Variants in ASTN2 observed in about 807,000 individuals in gnomAD.
The protein encoded by ASTN2 is astrotactin-2.
Under a neutral mutation model 139.8 loss-of-function variants are expected in ASTN2, and 54 were observed. The ratio of observed to expected loss-of-function variants is 0.39; its 90% CI spans 0.31 to 0.48. The LOEUF (loss-of-function observed/expected upper bound fraction) is 0.48, where lower values mean the gene tolerates loss of function less well. Ranked by LOEUF, ASTN2 falls within the 20% of genes least tolerant of loss-of-function variation. The pLI is 0.95. For missense variants in ASTN2, 1,565 were observed against 1,725.1 expected, an observed-to-expected ratio of 0.91 and a Z score of 1.64; for synonymous variants, 756 against 719.5, an observed-to-expected ratio of 1.05 and a Z score of -0.81.
chr9:116,661,621 C>T (rs1458689703), intron 16 of ASTN2, among the ~76,000 whole-genome samples: 1 of 152,044 alleles, frequency 6.6e-6, no homozygotes, highest in African/African-American at 2.4e-5. Context: ...ATTGATGGAG[C>T]AGGATCTTAA....
chr9:116,980,285 A>G (rs1349320832), intron 7 of ASTN2, among the ~76,000 whole-genome samples: 1 of 152,144 alleles, frequency 6.6e-6, no homozygotes, highest in African/African-American at 2.4e-5. Context: ...TGAGGTGACA[A>G]TTAGCTGATG....
At chr9:116,522,000 AAAAC>A (rs1850896509) in intron 19 of ASTN2, among the ~76,000 whole-genome samples, 1 of 152,198 alleles carries the variant, frequency 6.6e-6, no homozygotes. Context: ...CATAATAAAA[AAAAC>A]AAAAAGTAAT....
At chr9:116,740,752 G>T (rs1467051994) in intron 13 of ASTN2, among the ~76,000 whole-genome samples, 1 of 151,838 alleles carries the variant, frequency 6.6e-6, no homozygotes, top group Middle Eastern at 3.4e-3. Context: ...CTGACCTCGG[G>T]ATCTGCCCGT....
intron 19 of ASTN2, among the ~76,000 whole-genome samples, chr9:116,519,925 A>G (rs568996142): frequency 4.6e-5 from 7 of 151,992 alleles, no homozygotes; most frequent in Non-Finnish European, 7.4e-5. Flanking sequence ...ATAAATTCCT[A>G]GAAATATACA....
At chr9:116,544,811 C>G (rs1852022840) in intron 19 of ASTN2, among the ~76,000 whole-genome samples, 1 of 152,126 alleles carries the variant, frequency 6.6e-6, no homozygotes. Flanking sequence ...AAAGATGAAG[C>G]TGAGAGAGAT....
intron 16 of ASTN2, among the ~76,000 whole-genome samples, chr9:116,680,245 C>G (rs1259531757): frequency 6.6e-6 from 1 of 152,174 alleles, no homozygotes; most frequent in Non-Finnish European, 1.5e-5. Flanking sequence ...ACTACAAACA[C>G]CTCTACGCAA....
Position 116,557,223 on chromosome 9 carries a change from C to CAA in ASTN2, c.3355+61099_3355+61100dup, listed in dbSNP as rs60756690. 3.2e-3 allele frequency among the ~76,000 whole-genome samples: 169 copies of CAA among 53,572 alleles called. 6 individuals are homozygous for CAA. Among genetic ancestry groups the CAA allele is most frequent in the Non-Finnish European group, 4.0e-3 (122 of 30,366 alleles). The allele number at this position is 53,572 out of a possible 152,430, so 35.1% of individuals were successfully genotyped here. On this transcript the variant is annotated intron_variant, in intron 19 of 22. Transcript: ENST00000313400. The stretch of plus-strand genomic sequence containing the variant: ...TGGGCAACAGAGCGAGACTCTGTCT[C>CAA]AAAAAAAAAAAAAAAAAAAAAAAAA...
chr9:117,326,231 C>G (rs1692824539), intron 1 of ASTN2, among the ~76,000 whole-genome samples: 1 of 152,004 alleles, frequency 6.6e-6, no homozygotes, highest in South Asian at 2.1e-4. Flanking sequence ...CAGATGTGGA[C>G]TGTGGGCAGC....
intron 1 of ASTN2, among the ~76,000 whole-genome samples, chr9:117,361,692 A>G (rs1300621800): frequency 6.6e-6 from 1 of 152,140 alleles, no homozygotes; most frequent in Admixed American, 6.5e-5. Flanking sequence ...GGGAAAATAT[A>G]TAGTCTAATA....
rs1554718677 is a variant in ASTN2, at chr9:116,597,299, A to ATTTTTGTTTTTTTTTTT, written c.3355+21024_3355+21025insAAAAAAAAAAACAAAAA. 2.9e-4 allele frequency among the ~76,000 whole-genome samples: 22 copies of ATTTTTGTTTTTTTTTTT among 75,532 alleles called. 4 individuals carry two copies. Among genetic ancestry groups the ATTTTTGTTTTTTTTTTT allele is most frequent in the East Asian group, 1.5e-3 (3 of 2,052 alleles). The allele number at this position is 75,532 out of a possible 152,430, so 49.6% of individuals were successfully genotyped here. ...CAAAATATTCCATGACTTTTGATCT[A>ATTTTTGTTTTTTTTTTT]TTTTTTTTTTTTTTTTTTTTTTTTG... On this transcript the variant is annotated intron_variant, in intron 19 of 22. Transcript: ENST00000313400.
intron 3 of ASTN2, among the ~76,000 whole-genome samples, chr9:117,177,671 C>T (rs1830950955): frequency 6.6e-6 from 1 of 152,222 alleles, no homozygotes; most frequent in South Asian, 2.1e-4. Context: ...TCTACCTGTT[C>T]ACCATGGGGC....
rs77054660 is a variant in ASTN2, at chr9:117,312,020, C to A, written c.443-20507G>T. 4.7e-3 allele frequency among the ~76,000 whole-genome samples: 709 copies of A among 152,256 alleles called. 2 individuals carry two copies. The highest frequency in any genetic ancestry group is 7.7e-3 in the Non-Finnish European group (526 of 68,024). ...GCTCCAAAAGTAAGTCCCCAAAAGGCCTTAGTCAAGTTACCATTCCCTCCC... is the reference window on the plus strand; with the variant it reads ...GCTCCAAAAGTAAGTCCCCAAAAGGACTTAGTCAAGTTACCATTCCCTCCC... On this transcript the variant is annotated intron_variant, in intron 1 of 22. Coordinates refer to ENST00000313400, the MANE Select transcript of ASTN2 (RefSeq NM_001365068.1).
intron 13 of ASTN2, among the ~76,000 whole-genome samples, chr9:116,763,245 T>A (rs1829720387): frequency 6.6e-6 from 1 of 152,214 alleles, no homozygotes; most frequent in African/African-American, 2.4e-5. Context: ...GAATAGTAAT[T>A]CTCGCTGTTT....
chr9:116,618,886 T>A (rs1340795281), intron 18 of ASTN2, among the ~76,000 whole-genome samples: 1 of 152,078 alleles, frequency 6.6e-6, no homozygotes, highest in African/African-American at 2.4e-5. Flanking sequence ...CTTTTTAATA[T>A]CCTTAAGTAA....
intron 13 of ASTN2, among the ~76,000 whole-genome samples, chr9:116,802,083 CTT>C (rs796156202): frequency 1.6e-5 from 2 of 121,732 alleles, no homozygotes; most frequent in Non-Finnish European, 3.3e-5. Flanking sequence ...TTCTTTCTTT[CTT>C]TTTTTTTTTT....
At position 116,699,060 on chromosome 9, in the gene ASTN2, G is replaced by C; in HGVS notation, c.2806+26711C>G. 6.2e-7 allele frequency: 1 copy of C among 1,614,172 alleles called. No individual in the cohort carries two copies. Among genetic ancestry groups the C allele is most frequent in the Non-Finnish European group, 8.5e-7 (1 of 1,180,008 alleles). On this transcript the variant is annotated intron_variant, in intron 16 of 22. Transcript: ENST00000313400. This position sits in a 1 kb window ranked among gnomAD's most constrained non-coding sequence, Gnocchi z 4.2. ...TCTCTCAGTGGCAATGAACTGCCAG[G>C]GGCTGATTGGTGTGACTGACAGCTA...
chr9:116,618,179 G>A (rs532778414), intron 19 of ASTN2, 145 bp downstream of exon 19: 161 of 839,798 alleles, frequency 1.9e-4, no homozygotes, highest in Middle Eastern at 7.1e-4. Flanking sequence ...CAGCACACAA[G>A]GATGGACAGC....
At chr9:117,315,286 C>G (rs1181282163) in intron 1 of ASTN2, among the ~76,000 whole-genome samples, 1 of 152,154 alleles carries the variant, frequency 6.6e-6, no homozygotes, top group Non-Finnish European at 1.5e-5. Flanking sequence ...TTATGTAATT[C>G]TCAGCAATGA....
chr9:116,918,108 C>T (rs1158034553), intron 10 of ASTN2, among the ~76,000 whole-genome samples: 1 of 152,176 alleles, frequency 6.6e-6, no homozygotes, highest in African/African-American at 2.4e-5. Context: ...CACCTCCCAT[C>T]ATGATTCTGA....
Sources: gnomAD v4.1 joint callset for allele counts (sites outside exome capture counted in the v4.1 genomes callset) on GRCh38, gnomAD v4.1.1 for gene constraint, Gnocchi (gnomAD v3.1) non-coding constraint, MANE v1.5 for transcripts, NCBI Gene and HGNC (gene_info 2026-07-23, HGNC 2026-07-21) for gene names.